Variants in CPM observed in about 807,000 individuals in gnomAD.
The protein encoded by CPM is carboxypeptidase M.
A neutral mutation model predicts 46.4 loss-of-function variants in CPM; 35 were observed. The observed-to-expected ratio is 0.75, with a 90% CI of 0.58 to 1.00. CPM has a LOEUF of 1.00. Ranked by LOEUF, CPM falls within the 50% of genes least tolerant of loss-of-function variation. The pLI is 0.00. For synonymous variants in CPM, 195 were observed against 195.3 expected, an observed-to-expected ratio of 1.00 and a Z score of 0.01; for missense variants, 422 against 530.4, an observed-to-expected ratio of 0.80 and a Z score of 2.01.
intron 5 of CPM, chr12:68,844,748 C>G (rs960498150): frequency 4.8e-6 from 1 of 209,100 alleles, no homozygotes; most frequent in Non-Finnish European, 9.7e-6. Flanking sequence ...TTTTTAAATC[C>G]TTAATAAGGG....
rs760374394 is a variant in CPM at position 68,856,432 on chromosome 12, T to A, written c.*5A>T. 2.5e-6 allele frequency: 4 copies of A among 1,612,212 alleles called. No homozygotes were observed. The South Asian group carries it at 4.4e-5, about 18-fold the overall frequency. ...GGTGATGTGGGTTGAGTTTCACATTTTACTTTATTTGAAGAATATGTGCAA... is the reference window on the plus strand; with the variant it reads ...GGTGATGTGGGTTGAGTTTCACATTATACTTTATTTGAAGAATATGTGCAA... On this transcript the variant is annotated 3_prime_UTR_variant, in exon 9 of 9. Coordinates refer to ENST00000551568, the MANE Select transcript of CPM (RefSeq NM_198320.5).
intron 8 of CPM, among the ~76,000 whole-genome samples, chr12:68,857,384 A>T (rs993597033): frequency 6.6e-6 from 1 of 150,758 alleles, no homozygotes; most frequent in Admixed American, 6.6e-5. Flanking sequence ...CTGGTCTTGA[A>T]CTCCTGACCT....
intron 1 of CPM, among the ~76,000 whole-genome samples, chr12:68,952,350 T>C (rs73148624): frequency 0.028 from 4,311 of 152,242 alleles, 87 homozygotes; most frequent in Non-Finnish European, 0.044. Flanking sequence ...GCATTGAGAG[T>C]ACTTGGCCAG....
chr12:68,955,043 G>A (rs1888990259), intron 1 of CPM, among the ~76,000 whole-genome samples: 1 of 152,146 alleles, frequency 6.6e-6, no homozygotes, highest in Admixed American at 6.5e-5. Context: ...GCGCTTGCTT[G>A]CCCACACACC....
intron 4 of CPM, among the ~76,000 whole-genome samples, chr12:68,871,083 A>G (rs1263465890): frequency 6.6e-6 from 1 of 152,234 alleles, no homozygotes; most frequent in East Asian, 1.9e-4. Context: ...AATGTATATT[A>G]GACATCTGAG....
rs761360372 is a variant in CPM, at chr12:68,856,611, A to C, written c.1158T>G (p.Ser386Arg). The C allele has an allele frequency of 4.3e-6, 7 of 1,614,212 alleles. No individual in the cohort carries two copies. The highest frequency in any genetic ancestry group is 1.7e-5 in the Admixed American group (1 of 60,022). Reference protein sequence around the residue: ...VIIPEKSQNFSALKKDILLPF... With the variant: ...VIIPEKSQNFRALKKDILLPF... ...GAAGTAGAATATCCTTTTTAAGAGCACTGAAGTTCTGGGATTTCTCCGGAA... is the reference window on the plus strand; with the variant it reads ...GAAGTAGAATATCCTTTTTAAGAGCCCTGAAGTTCTGGGATTTCTCCGGAA... Residue 386 changes from serine (S) to arginine (R), a missense_variant, in exon 9 of 9, where the codon AGT becomes AGG. By Grantham distance (110) the Ser-to-Arg change is moderately radical. Coordinates refer to ENST00000551568, the MANE Select transcript of CPM (RefSeq NM_198320.5).
intron 6 of CPM, 66 bp from the exon 7 acceptor site, chr12:68,867,114 C>T (rs1426811938): frequency 6.6e-7 from 1 of 1,508,972 alleles, no homozygotes; most frequent in Non-Finnish European, 9.2e-7. Flanking sequence ...TATCACGTGC[C>T]TCGGGGACAA....
chr12:68,842,897 T>C (rs1357240231), intron 5 of CPM: 5 of 207,322 alleles, frequency 2.4e-5, no homozygotes, highest in Non-Finnish European at 3.9e-5. Context: ...TTTGATCTCT[T>C]TTAATTGTTC....
chr12:68,849,232 G>A (rs888233655), downstream of CPM: 14 of 151,776 alleles, frequency 9.2e-5, no homozygotes, highest in African/African-American at 2.9e-4. Flanking sequence ...TAGGATTACA[G>A]GGGTCCACCA....
At chr12:68,949,673 T>C (rs1705586000) in intron 1 of CPM, among the ~76,000 whole-genome samples, 1 of 152,190 alleles carries the variant, frequency 6.6e-6, no homozygotes, top group Admixed American at 6.5e-5. Context: ...ATGGAGGTTG[T>C]GCAGTAGGTT....
At chr12:68,952,877 C>A (rs1395299486) in intron 1 of CPM, among the ~76,000 whole-genome samples, 1 of 152,162 alleles carries the variant, frequency 6.6e-6, no homozygotes, top group Non-Finnish European at 1.5e-5. Flanking sequence ...TGTGGCCAAC[C>A]ATGTATCCCT....
rs184618602 is a variant in CPM, at chr12:68,885,185, T to C, written c.258+607A>G. ...GTCTTGAACTACTGACCTCAAGTGA[T>C]CTACCTGCCTTGGCCTCCCAAATTG... is the stretch of plus-strand genomic sequence containing the variant. On this transcript the variant is annotated intron_variant, in intron 3 of 8. Coordinates refer to ENST00000551568, the MANE Select transcript of CPM (RefSeq NM_198320.5). 3.4e-3 allele frequency among the ~76,000 whole-genome samples: 516 copies of C among 152,332 alleles called. 2 individuals are homozygous for C. Among genetic ancestry groups the C allele is most frequent in the African/African-American group, 0.012 (486 of 41,554 alleles).
At chr12:68,868,125 T>C (rs1478168710) in intron 6 of CPM, among the ~76,000 whole-genome samples, 3 of 152,174 alleles carry the variant, frequency 2.0e-5, no homozygotes, top group Admixed American at 6.6e-5. Context: ...CTTCGAAAGT[T>C]AGACAGTGAA....
In CPM at chr12:68,955,313, T is replaced by G. The variant is rs115990570; in HGVS notation, c.-4+7856A>C. 6.9e-3 allele frequency among the ~76,000 whole-genome samples: 1,045 copies of G among 152,300 alleles called. 17 individuals carry two copies. Among genetic ancestry groups the G allele is most frequent in the African/African-American group, 0.023 (967 of 41,564 alleles). On this transcript the variant is annotated intron_variant, in intron 1 of 8. Coordinates refer to the CPM transcript ENST00000546373. ...TACGAAGCTCATTTAAAAAAATTTG[T>G]AAAACAAAGTACTCAGCATGCTGCC...
At chr12:68,875,240 A>G (rs1469449390) in intron 3 of CPM, among the ~76,000 whole-genome samples, 3 of 151,874 alleles carry the variant, frequency 2.0e-5, no homozygotes, top group East Asian at 1.9e-4. Flanking sequence ...AGTCCCAGCT[A>G]CTCGGGAGGC....
chr12:68,891,286 A>G lies in CPM; in HGVS notation c.161-5397T>C, dbSNP rs1007996115. ...AATCCACAGAAGAGTTGAAAATCAC[A>G]TATTATTTAGGTCAGTTTAAACACT... On this transcript the variant is annotated intron_variant, in intron 2 of 8. Coordinates refer to ENST00000551568, the MANE Select transcript of CPM (RefSeq NM_198320.5). Among the ~76,000 whole-genome samples the G allele has an allele frequency of 5.9e-5, 9 of 152,374 alleles. No homozygotes were observed. The East Asian group carries it at 1.7e-3, about 29-fold the overall frequency.
At chr12:68,880,593 C>T (rs1332222693) in intron 3 of CPM, among the ~76,000 whole-genome samples, 1 of 152,140 alleles carries the variant, frequency 6.6e-6, no homozygotes, top group Non-Finnish European at 1.5e-5. Flanking sequence ...TAAAACAGAA[C>T]ATTTTAAAAA....
At chr12:68,923,673 T>TATGG (rs1202551936) in intron 2 of CPM, among the ~76,000 whole-genome samples, 1 of 152,222 alleles carries the variant, frequency 6.6e-6, no homozygotes, top group Non-Finnish European at 1.5e-5. Context: ...TTACATAAGA[T>TATGG]ATGGTATCCA....
intron 7 of CPM, among the ~76,000 whole-genome samples, chr12:68,863,428 T>C (rs567960169): frequency 1.3e-3 from 202 of 152,294 alleles, no homozygotes; most frequent in Non-Finnish European, 2.6e-3. Flanking sequence ...TTGGTTTTAA[T>C]GTCTGCCGAC....
Sources: gnomAD v4.1 joint callset for allele counts (sites outside exome capture counted in the v4.1 genomes callset) on GRCh38, gnomAD v4.1.1 for gene constraint, MANE v1.5 for transcripts, NCBI Gene and HGNC (gene_info 2026-07-23, HGNC 2026-07-21) for gene names.